CEP295NL: variants seen among roughly 807,000 people sequenced by gnomAD.
The protein encoded by CEP295NL is protein DDC8 homolog.
CEP295NL carries 3 observed loss-of-function variants against 4.6 expected under a neutral mutation model. That is an observed-to-expected ratio of 0.65 (90% confidence interval 0.30 to 1.69). CEP295NL has a LOEUF of 1.69. Ranked by LOEUF, CEP295NL falls within the 40% of genes most tolerant of loss-of-function variation. CEP295NL has a pLI of 0.10. For synonymous variants in CEP295NL, 295 were observed against 312.2 expected, an observed-to-expected ratio of 0.94 and a Z score of 0.58; for missense variants, 719 against 769.0, an observed-to-expected ratio of 0.93 and a Z score of 0.77.
chr17:78,899,661 G>A (rs974028449), intron 2 of CEP295NL: 1 of 152,248 alleles, frequency 6.6e-6, no homozygotes, highest in African/African-American at 2.4e-5. Context: ...AGACAGGGGT[G>A]GTAGAGCTCC....
chr17:78,893,587 G>A (rs1360405463), intron 2 of CEP295NL, among the ~76,000 whole-genome samples: 2 of 151,968 alleles, frequency 1.3e-5, no homozygotes, highest in African/African-American at 2.4e-5. Flanking sequence ...ACAGGTGTGT[G>A]TATGTATGCA....
intron 2 of CEP295NL, among the ~76,000 whole-genome samples, chr17:78,893,792 C>T (rs1384552568): frequency 6.6e-6 from 1 of 152,070 alleles, no homozygotes; most frequent in Admixed American, 6.5e-5. Context: ...AAGGACTCTT[C>T]CAGGTCTCTT....
At chr17:78,894,258 C>G (rs1467351934) in intron 2 of CEP295NL, among the ~76,000 whole-genome samples, 7 of 152,014 alleles carry the variant, frequency 4.6e-5, no homozygotes, top group Non-Finnish European at 1.0e-4. Context: ...ACCCAGATCA[C>G]ACAGCTGGTA....
chr17:78,897,067 C>CCTGG, intron 2 of CEP295NL: 1 of 911,346 alleles, frequency 1.1e-6, no homozygotes, highest in Non-Finnish European at 1.3e-6. Flanking sequence ...ACCCAGGCAG[C>CCTGG]GTGGAAGTGC....
Position 78,891,067 on chromosome 17 carries a change from C to T in CEP295NL, c.1437G>A (p.Thr479=), listed in dbSNP as rs956253363. 87 of 1,550,922 alleles carry T rather than the reference C, an allele frequency of 5.6e-5. No homozygotes were observed. Among genetic ancestry groups the T allele is most frequent in the Non-Finnish European group, 7.1e-5 (82 of 1,147,098 alleles). Residue 479 remains threonine, a synonymous_variant, in exon 3 of 3, where the codon ACG becomes ACA. Coordinates refer to ENST00000322630, the MANE Select transcript of CEP295NL (RefSeq NM_001243540.2). This position sits in a 1 kb window ranked among gnomAD's most constrained non-coding sequence, Gnocchi z 4.5. The part of the protein sequence containing the change: ...ESGQETPKLG[T]LAEGSLQLHL... ...GGAGCTGAAGGGAGCCCTCTGCCAG[C>T]GTGCCCAGTTTGGGGGTCTCTTGTC...
intron 2 of CEP295NL, among the ~76,000 whole-genome samples, chr17:78,894,193 A>AC (rs148999240): frequency 0.042 from 6,256 of 149,768 alleles, 161 homozygotes; most frequent in East Asian, 0.084. Flanking sequence ...CGAAGCTCCT[A>AC]CCCCCCCCGG....
At chr17:78,893,814 A>C (rs58742579) in intron 2 of CEP295NL, among the ~76,000 whole-genome samples, 6 of 152,082 alleles carry the variant, frequency 3.9e-5, no homozygotes, top group Non-Finnish European at 7.4e-5. Flanking sequence ...GGCATCAGGA[A>C]GGGACCCATG....
Position 78,892,042 on chromosome 17 carries a change from C to T in CEP295NL, c.462G>A (p.Gly154=). ...GCCTGGCTGATCTTCGCTGGATGGG[C>T]CCCTGCGAGTCAGGCTCATTTTCCC... ...RARENEPDSQ[G]PIQRRSARPP... Residue 154 remains glycine (G), a synonymous_variant, in exon 3 of 3, where the codon GGG becomes GGA. Coordinates refer to ENST00000322630, the MANE Select transcript of CEP295NL (RefSeq NM_001243540.2). The T allele has an allele frequency of 1.3e-6, 2 of 1,550,890 alleles. No individual in the cohort carries two copies. Among genetic ancestry groups the T allele is most frequent in the Non-Finnish European group, 1.7e-6 (2 of 1,147,130 alleles).
rs1367796660 is a variant in CEP295NL, at chr17:78,892,442, C to G, written c.62G>C (p.Cys21Ser). The change falls in exon 3 of 3, where the codon TGT becomes TCT. Residue 21 changes from cysteine to serine, a missense_variant. Transcript: ENST00000322630. ...WRHTQFAVER[C>S]GFCGSSGPGA... ...CGGGCCTGAGGAGCCACAGAAGCCA[C>G]AACGTTCCACAGCAAACCTACGAGG... The G allele has an allele frequency of 1.9e-6, 3 of 1,549,248 alleles. No homozygotes were observed. Among genetic ancestry groups the G allele is most frequent in the Non-Finnish European group, 2.6e-6 (3 of 1,146,252 alleles).
intron 2 of CEP295NL, chr17:78,899,518 G>A (rs1250122407): frequency 2.0e-5 from 3 of 152,228 alleles, no homozygotes; most frequent in African/African-American, 7.2e-5. Context: ...CTGCGGGAGG[G>A]GCCCAGGAAT....
In CEP295NL at chr17:78,891,767, T is replaced by C. The variant is rs1209292758; in HGVS notation, c.737A>G (p.Lys246Arg). Residue 246 changes from lysine to arginine, a missense_variant, in exon 3 of 3, where the codon AAA becomes AGA. Physicochemically the swap from Lys to Arg is conservative, Grantham distance 26. Transcript: ENST00000322630. The surrounding 1 kb of genome is among the most constrained non-coding windows in gnomAD (Gnocchi z 4.5). ...GRCAIHPRRS[K>R]GADLERSNPL... is the part of the protein sequence containing the mutation. ...GTTTGACCTTTCTAGGTCCGCCCCT[T>C]TGCTCCTCCGAGGATGGATGGCACA... is the stretch of plus-strand genomic sequence containing the variant. 6.4e-7 allele frequency: 1 copy of C among 1,551,194 alleles called. No individual in the cohort carries two copies. The highest frequency in any genetic ancestry group is 2.4e-5 in the East Asian group (1 of 40,912).
chr17:78,890,599 T>C lies in CEP295NL; in HGVS notation c.*39A>G. 2 of 1,529,098 alleles carry C rather than the reference T, an allele frequency of 1.3e-6. No individual in the cohort carries two copies. Among genetic ancestry groups the C allele is most frequent in the Non-Finnish European group, 8.8e-7 (1 of 1,132,804 alleles). The allele number at this position is 1,529,098 out of a possible 1,614,324, so 94.7% of individuals were successfully genotyped here. On this transcript the variant is annotated 3_prime_UTR_variant, in exon 3 of 3. Transcript: ENST00000322630. ...CCGGGTACCAGTGCTGGCAGCACCA[T>C]TATCAGTGATGTATTTACCCCGGGT...
At chr17:78,894,301 G>A (rs956033255) in intron 2 of CEP295NL, among the ~76,000 whole-genome samples, 15 of 152,054 alleles carry the variant, frequency 9.9e-5, no homozygotes, top group Non-Finnish European at 2.9e-5. Flanking sequence ...CTGCTTGGAC[G>A]AACCCCAGCA....
chr17:78,902,377 G>C (rs1484679495), intron 1 of CEP295NL, among the ~76,000 whole-genome samples: 3 of 152,194 alleles, frequency 2.0e-5, no homozygotes, highest in African/African-American at 7.2e-5. Context: ...CAAAGTGCTG[G>C]GATTCCAGGC....
chr17:78,894,556 A>T (rs1174109770), intron 2 of CEP295NL, among the ~76,000 whole-genome samples: 1 of 152,174 alleles, frequency 6.6e-6, no homozygotes, highest in Non-Finnish European at 1.5e-5. Context: ...GGGAAAGAAT[A>T]GTTTTTTTGT....
In CEP295NL at chr17:78,891,552, A is replaced by G; in HGVS notation, c.952T>C (p.Cys318Arg). 1 of 1,550,860 alleles carries G rather than the reference A, an allele frequency of 6.4e-7. No homozygotes were observed. The highest frequency in any genetic ancestry group is 8.7e-7 in the Non-Finnish European group (1 of 1,147,044). ...GCTGGGGACACGGCTTCCCTTCTGC[A>G]GCTGGAATCAGCTGGCCACAGCTGC... Reference protein sequence around the residue: ...LGQLWPADSSCRREAVSPASQ... With the variant: ...LGQLWPADSSRRREAVSPASQ... The change falls in exon 3 of 3, where the codon TGC becomes CGC. Residue 318 changes from cysteine (C) to arginine (R), a missense_variant. Coordinates refer to ENST00000322630, the MANE Select transcript of CEP295NL (RefSeq NM_001243540.2). The surrounding 1 kb of genome is among the most constrained non-coding windows in gnomAD (Gnocchi z 4.5).
At position 78,895,313 on chromosome 17, in the gene CEP295NL, C is replaced by T. The variant is rs62074360; in HGVS notation, c.45-2854G>A. Among the ~76,000 whole-genome samples the T allele has an allele frequency of 8.3e-3, 1,263 of 152,180 alleles. 9 individuals are homozygous for T. The highest frequency in any genetic ancestry group is 0.014 in the Admixed American group (209 of 15,266). On this transcript the variant is annotated intron_variant, in intron 2 of 2. Coordinates refer to ENST00000322630, the MANE Select transcript of CEP295NL (RefSeq NM_001243540.2). ...AATAAATAAAAATAAAAATCAGCAA[C>T]AGATTTAAATAGATATTTCACCAAA...
Position 78,892,215 on chromosome 17 carries a change from C to T in CEP295NL, c.289G>A (p.Ala97Thr), listed in dbSNP as rs200433758. 1.3e-6 allele frequency: 2 copies of T among 1,551,060 alleles called. No homozygotes were observed. Among genetic ancestry groups the T allele is most frequent in the African/African-American group, 1.4e-5 (1 of 73,196 alleles). The change falls in exon 3 of 3, where the codon GCG becomes ACG. Residue 97 changes from alanine to threonine, a missense_variant. Coordinates refer to ENST00000322630, the MANE Select transcript of CEP295NL (RefSeq NM_001243540.2). ...TAGTTTTTCCACAGCTTGGCATCCG[C>T]TCTTCTCTGCAGAGCGAGATCGCCT... ...GKGDLALQRR[A>T]DAKLWKNYQL...
In CEP295NL at chr17:78,892,373, G is replaced by A. The variant is rs2069914617; in HGVS notation, c.131C>T (p.Pro44Leu). 1.3e-6 allele frequency: 2 copies of A among 1,550,662 alleles called. No individual in the cohort carries two copies. Among genetic ancestry groups the A allele is most frequent in the Non-Finnish European group, 1.7e-6 (2 of 1,147,016 alleles). The change falls in exon 3 of 3, where the codon CCC becomes CTC. Residue 44 changes from proline to leucine, a missense_variant. Physicochemically the swap from Pro to Leu is moderately conservative, Grantham distance 98 (BLOSUM62 -3). Transcript: ENST00000322630. Reference sequence around the variant, plus strand: ...GAACCCAGCAGATACAGCTTCCCAGGGAAGGTGCTTGGAGCCAAGAGTGGA... The same window carrying A: ...GAACCCAGCAGATACAGCTTCCCAGAGAAGGTGCTTGGAGCCAAGAGTGGA... Reference protein sequence around the residue: ...EPSTLGSKHLPWEAVSAGFAD... With the variant: ...EPSTLGSKHLLWEAVSAGFAD...
Sources: allele counts gnomAD v4.1 joint callset (sites outside exome capture counted in the v4.1 genomes callset), GRCh38; gene constraint gnomAD v4.1.1; non-coding constraint Gnocchi (gnomAD v3.1); transcripts MANE v1.5; gene names NCBI Gene and HGNC (gene_info 2026-07-23, HGNC 2026-07-21).